PEX11G: variants seen among roughly 807,000 people sequenced by gnomAD.
PEX11G encodes peroxisomal biogenesis factor 11 gamma, also known as peroxisomal membrane protein 11C.
In PEX11G, 20 loss-of-function variants were observed where a neutral mutation model predicts 22.5. The ratio of observed to expected loss-of-function variants is 0.89; its 90% CI spans 0.62 to 1.29. The LOEUF is 1.29. Ranked by LOEUF, PEX11G falls within the 50% of genes most tolerant of loss-of-function variation. The pLI is 0.00. For synonymous variants in PEX11G, 141 were observed against 154.5 expected, an observed-to-expected ratio of 0.91 and a Z score of 0.65; for missense variants, 347 against 331.3, an observed-to-expected ratio of 1.05 and a Z score of -0.37.
intron 1 of PEX11G, among the ~76,000 whole-genome samples, chr19:7,494,639 T>C (rs2021946182): frequency 6.6e-6 from 1 of 152,196 alleles, no homozygotes; most frequent in African/African-American, 2.4e-5. Context: ...TGGCTAGGTC[T>C]GAGCTCGACC....
At chr19:7,478,523 C>T (rs1029027254) in intron 3 of PEX11G, 147 bp from the exon 4 acceptor site, 1 of 817,566 alleles carries the variant, frequency 1.2e-6, no homozygotes, top group Non-Finnish European at 2.0e-6. Flanking sequence ...GTCCCACACC[C>T]TCCTGGCTGT....
intron 1 of PEX11G, among the ~76,000 whole-genome samples, chr19:7,487,714 G>A (rs748161473): frequency 1.1e-4 from 17 of 152,124 alleles, no homozygotes; most frequent in Non-Finnish European, 2.4e-4. Flanking sequence ...GAGCCACCAC[G>A]CCTGGCCTCC....
At chr19:7,479,512 G>A (rs912051258) in intron 3 of PEX11G, among the ~76,000 whole-genome samples, 42 of 152,258 alleles carry the variant, frequency 2.8e-4, no homozygotes, top group African/African-American at 8.7e-4. Context: ...CCTGGGCGCC[G>A]GACCCAGGCA....
chr19:7,480,463 A>G (rs1977439440), intron 3 of PEX11G, among the ~76,000 whole-genome samples: 1 of 152,098 alleles, frequency 6.6e-6, no homozygotes, highest in Non-Finnish European at 1.5e-5. Context: ...CAGCACAGAC[A>G]CCGCTGCCTC....
At chr19:7,477,893 G>A (rs1176857148) in intron 4 of PEX11G, among the ~76,000 whole-genome samples, 1 of 152,216 alleles carries the variant, frequency 6.6e-6, no homozygotes, top group Admixed American at 6.5e-5. Context: ...GTGCTGGCCC[G>A]TGCCTGTAGT....
chr19:7,479,392 G>A (rs1977386790), intron 3 of PEX11G, among the ~76,000 whole-genome samples: 1 of 152,212 alleles, frequency 6.6e-6, no homozygotes, highest in African/African-American at 2.4e-5. Flanking sequence ...GCTGAGGCAG[G>A]AGAATCACTT....
Position 7,477,455 on chromosome 19 carries a change from C to T in PEX11G, c.492-19G>A, listed in dbSNP as rs1190169479. The stretch of plus-strand genomic sequence containing the variant: ...CAGCGGGCTGTGGGGCAGAGAGGGG[C>T]CGCTTACACTCACGCTCACACCTGC... On this transcript the variant is annotated intron_variant, in intron 4 of 4. Transcript: ENST00000221480. 1.4e-6 allele frequency: 2 copies of T among 1,410,336 alleles called. No individual in the cohort carries two copies. Among genetic ancestry groups the T allele is most frequent in the African/African-American group, 3.0e-5 (2 of 67,264 alleles). The allele number at this position is 1,410,336 out of a possible 1,614,324, so 87.4% of individuals were successfully genotyped here.
At chr19:7,481,524 G>T (rs1451310893) in intron 3 of PEX11G, among the ~76,000 whole-genome samples, 2 of 152,204 alleles carry the variant, frequency 1.3e-5, no homozygotes, top group African/African-American at 4.8e-5. Flanking sequence ...CTTGAGATGG[G>T]GTATTACCCT....
At chr19:7,480,182 T>G (rs999110875) in intron 3 of PEX11G, among the ~76,000 whole-genome samples, 1 of 151,664 alleles carries the variant, frequency 6.6e-6, no homozygotes, top group African/African-American at 2.4e-5. Context: ...GTGGGAGTAT[T>G]GTTTGAGCCC....
upstream of PEX11G, chr19:7,489,555 C>T (rs940696273): frequency 3.2e-6 from 3 of 938,084 alleles, no homozygotes; most frequent in Non-Finnish European, 3.8e-6. Context: ...AATTCAGTGA[C>T]ATTAGTACAT....
At chr19:7,480,533 AT>A in intron 3 of PEX11G, among the ~76,000 whole-genome samples, 1 of 150,852 alleles carries the variant, frequency 6.6e-6, no homozygotes, top group Non-Finnish European at 1.5e-5. Context: ...CAGGCAGGGT[AT>A]TAGGTCAAAG....
upstream of PEX11G, chr19:7,489,495 T>C (rs2021826830): frequency 4.0e-6 from 4 of 988,164 alleles, no homozygotes; most frequent in African/African-American, 3.5e-5. Flanking sequence ...ACGTTATCTT[T>C]GGACGTTAAG....
Position 7,477,175 on chromosome 19 carries a change from C to T in PEX11G, c.*27G>A. 1 of 1,432,130 alleles carries T rather than the reference C, an allele frequency of 7.0e-7. No homozygotes were observed. The highest frequency in any genetic ancestry group is 1.5e-5 in the South Asian group (1 of 65,618). The allele number at this position is 1,432,130 out of a possible 1,614,324, so 88.7% of individuals were successfully genotyped here. A position where few individuals can be genotyped will look rare whatever the true frequency, so the allele number is the denominator to read the frequency against. The stretch of plus-strand genomic sequence containing the variant: ...GGGAAGGGCCCTCCGTGGGCTCTGG[C>T]TGTGTCCCTGTGCTCTTCCGGCAGT... On this transcript the variant is annotated 3_prime_UTR_variant, in exon 5 of 5. Coordinates refer to ENST00000221480, the MANE Select transcript of PEX11G (RefSeq NM_080662.4).
intron 1 of PEX11G, among the ~76,000 whole-genome samples, chr19:7,487,730 A>G (rs772120820): frequency 1.3e-5 from 2 of 152,120 alleles, no homozygotes; most frequent in East Asian, 1.9e-4. Context: ...CCTCCCTTAT[A>G]TCTTTATTTT....
intron 2 of PEX11G, 122 bp from the exon 3 acceptor site, chr19:7,482,333 C>T (rs1977535225): frequency 8.8e-7 from 1 of 1,138,886 alleles, no homozygotes; most frequent in Non-Finnish European, 1.2e-6. Flanking sequence ...CGTGTCCAGG[C>T]CTGGCAGGCC....
upstream of PEX11G, chr19:7,489,134 C>A (rs1350072759): frequency 8.0e-7 from 1 of 1,250,160 alleles, no homozygotes; most frequent in African/African-American, 1.6e-5. Flanking sequence ...TCCCCCTGAC[C>A]GGCTTTTTGT....
chr19:7,481,886 A>G, intron 3 of PEX11G, 147 bp downstream of exon 3: 3 of 787,236 alleles, frequency 3.8e-6, no homozygotes, highest in Middle Eastern at 7.9e-4. Context: ...CACAAAAGGA[A>G]GAAACAACAA....
At chr19:7,492,649 C>T (rs1448312014), upstream of PEX11G, among the ~76,000 whole-genome samples, 1 of 152,150 alleles carries the variant, frequency 6.6e-6, no homozygotes, top group African/African-American at 2.4e-5. Context: ...GCCATGTTGG[C>T]CAGGCTGGTC....
chr19:7,477,305 CG>C lies in PEX11G; in HGVS notation c.622del (p.Arg208AlafsTer6), dbSNP rs1425755894. The C allele has an allele frequency of 6.4e-7, 1 of 1,565,226 alleles. No individual in the cohort carries two copies. Among genetic ancestry groups the C allele is most frequent in the African/African-American group, 1.4e-5 (1 of 73,674 alleles). On this transcript the variant is annotated frameshift_variant, in exon 5 of 5. Transcript: ENST00000221480. LOFTEE classifies it high-confidence loss of function. ...GAGGCCCACTAGCCACGGCGGGAAG[CG>C]GCCGGCCCACAGCACGCCCCGGGGC... The part of the protein sequence containing the change: ...WLPRGVLWAG[R>X]FPPWLVGLMG...
Sources: gnomAD v4.1 joint callset for allele counts (sites outside exome capture counted in the v4.1 genomes callset) on GRCh38, gnomAD v4.1.1 for gene constraint, MANE v1.5 for transcripts, NCBI Gene and HGNC (gene_info 2026-07-23, HGNC 2026-07-21) for gene names.